Variants in KCNIP1 observed in about 807,000 individuals in gnomAD.
KCNIP1 encodes potassium voltage-gated channel interacting protein 1.
A neutral mutation model predicts 33.0 loss-of-function variants in KCNIP1; 18 were observed. That is an observed-to-expected ratio of 0.55 (90% CI 0.38 to 0.81). The LOEUF (loss-of-function observed/expected upper bound fraction) is 0.81, where lower values mean the gene tolerates loss of function less well. KCNIP1 is among the 30% of genes least tolerant of loss of function. KCNIP1 has a pLI of 0.00. For synonymous variants in KCNIP1, 93 were observed against 98.3 expected, an observed-to-expected ratio of 0.95 and a Z score of 0.32; for missense variants, 238 against 271.6, an observed-to-expected ratio of 0.88 and a Z score of 0.87.
chr5:170,501,432 C>CA (rs374853310), upstream of KCNIP1, among the ~76,000 whole-genome samples: 706 of 152,096 alleles, frequency 4.6e-3, 7 homozygotes, highest in Non-Finnish European at 7.0e-3. Flanking sequence ...CCACAGGCCA[C>CA]AAAAAAGACC....
At chr5:170,682,780 G>GCTTCTTTTTT (rs1762394879) in intron 1 of KCNIP1, among the ~76,000 whole-genome samples, 2 of 59,658 alleles carry the variant, frequency 3.4e-5, no homozygotes, top group East Asian at 1.6e-3. Context: ...TATTTTCTTT[G>GCTTCTTTTTT]TTTCTTTTTT....
intron 7 of KCNIP1, among the ~76,000 whole-genome samples, chr5:170,734,273 G>A (rs1370592003): frequency 6.6e-6 from 1 of 151,956 alleles, no homozygotes; most frequent in Non-Finnish European, 1.5e-5. Context: ...CTACAATTGT[G>A]TGATTCTCAA....
At chr5:170,433,955 A>C (rs1236711766) in intron 1 of KCNIP1, among the ~76,000 whole-genome samples, 1 of 152,136 alleles carries the variant, frequency 6.6e-6, no homozygotes, top group East Asian at 1.9e-4. Flanking sequence ...CCTCCTGCTC[A>C]CTTTAGCTCC....
chr5:170,669,279 T>G (rs950282613), intron 1 of KCNIP1, among the ~76,000 whole-genome samples: 3 of 152,220 alleles, frequency 2.0e-5, no homozygotes, highest in Admixed American at 1.3e-4. Flanking sequence ...GGGCAAGTTT[T>G]CAAATCTCTC....
At chr5:170,675,303 AAT>A (rs749714560) in intron 1 of KCNIP1, among the ~76,000 whole-genome samples, 11 of 151,148 alleles carry the variant, frequency 7.3e-5, no homozygotes, top group Admixed American at 6.6e-5. Flanking sequence ...TGTCTCAAAA[AAT>A]ATATATATAT....
At position 170,509,644 on chromosome 5, in the gene KCNIP1, G is replaced by A. The variant is rs1037026215; in HGVS notation, c.61+5011G>A. On this transcript the variant is annotated intron_variant, in intron 1 of 7. Transcript: ENST00000328939. ...CAACTGAATGACAGAAAGAATGATC[G>A]AATAAATGACCACATGAATGAATGA... is the stretch of plus-strand genomic sequence containing the variant. 9.2e-5 allele frequency among the ~76,000 whole-genome samples: 14 copies of A among 152,306 alleles called. No individual in the cohort carries two copies. The East Asian group carries it at 1.3e-3, about 15-fold the overall frequency.
intron 1 of KCNIP1, among the ~76,000 whole-genome samples, chr5:170,367,475 C>T (rs1361914377): frequency 6.7e-6 from 1 of 150,186 alleles, no homozygotes; most frequent in Non-Finnish European, 1.5e-5. Context: ...AAAGAATGTG[C>T]AGCACCCAGC....
intron 1 of KCNIP1, among the ~76,000 whole-genome samples, chr5:170,555,772 G>C (rs1045333988): frequency 6.6e-6 from 1 of 152,142 alleles, no homozygotes; most frequent in African/African-American, 2.4e-5. Flanking sequence ...AACTGAGATG[G>C]CATATTTTAA....
At chr5:170,592,519 A>G (rs2113556124) in intron 1 of KCNIP1, among the ~76,000 whole-genome samples, 1 of 137,744 alleles carries the variant, frequency 7.3e-6, no homozygotes, top group East Asian at 2.2e-4. Flanking sequence ...GCACCATAAC[A>G]TCATGTTGAT....
chr5:170,471,122 G>A (rs1309458496), intron 1 of KCNIP1, among the ~76,000 whole-genome samples: 1 of 152,188 alleles, frequency 6.6e-6, no homozygotes, highest in Non-Finnish European at 1.5e-5. Context: ...CTACGTGCCT[G>A]GAATTTCTAG....
chr5:170,416,923 T>C (rs11955325), intron 1 of KCNIP1, among the ~76,000 whole-genome samples: 7,331 of 152,276 alleles, frequency 0.048, 599 homozygotes, highest in African/African-American at 0.16. Flanking sequence ...AACTCTTAAA[T>C]AATATCCTCT....
intron 1 of KCNIP1, among the ~76,000 whole-genome samples, chr5:170,629,787 G>T (rs962799839): frequency 5.3e-4 from 81 of 152,288 alleles, no homozygotes; most frequent in African/African-American, 1.8e-3. Flanking sequence ...CCAAATGCAT[G>T]CCCAGACATA....
In KCNIP1 at chr5:170,424,042, C is replaced by T. The variant is rs575350091; in HGVS notation, c.88+70078C>T. 1.1e-3 allele frequency among the ~76,000 whole-genome samples: 160 copies of T among 152,348 alleles called. 1 individual carries two copies. The highest frequency in any genetic ancestry group is 1.6e-3 in the Non-Finnish European group (106 of 68,028). Reference sequence around the variant, plus strand: ...TGATGATTTTAAAATGTAACAGCTGCTTATGTAACCATTAGGCTGGACATA... The same window carrying T: ...TGATGATTTTAAAATGTAACAGCTGTTTATGTAACCATTAGGCTGGACATA... On this transcript the variant is annotated intron_variant, in intron 1 of 7. Transcript: ENST00000377360.
chr5:170,450,688 C>T, intron 1 of KCNIP1, among the ~76,000 whole-genome samples: 1 of 152,166 alleles, frequency 6.6e-6, no homozygotes, highest in East Asian at 1.9e-4. Flanking sequence ...CTCCGACCAC[C>T]TCCGCCCCGA....
chr5:170,481,254 C>T (rs777323702), intron 1 of KCNIP1, among the ~76,000 whole-genome samples: 6 of 152,148 alleles, frequency 3.9e-5, no homozygotes, highest in Non-Finnish European at 8.8e-5. Flanking sequence ...AAGAAACTTC[C>T]AGGCTTAAAC....
intron 1 of KCNIP1, among the ~76,000 whole-genome samples, chr5:170,536,687 C>T (rs1755997264): frequency 6.6e-6 from 1 of 152,132 alleles, no homozygotes; most frequent in African/African-American, 2.4e-5. Context: ...GCGGAGCTAC[C>T]CTGGGCTGCC....
At chr5:170,396,746 A>G (rs531182801) in intron 1 of KCNIP1, among the ~76,000 whole-genome samples, 50 of 152,360 alleles carry the variant, frequency 3.3e-4, no homozygotes, top group African/African-American at 1.1e-3. Context: ...ATTATTATAT[A>G]GATGAAGCCT....
intron 1 of KCNIP1, among the ~76,000 whole-genome samples, chr5:170,372,121 A>C (rs575917401): frequency 9.2e-5 from 14 of 151,796 alleles, no homozygotes; most frequent in Non-Finnish European, 2.1e-4. Flanking sequence ...CATTCCTACA[A>C]CCTCCCCTAC....
At chr5:170,681,039 C>G (rs1051000024) in intron 1 of KCNIP1, 2 of 399,338 alleles carry the variant, frequency 5.0e-6, no homozygotes, top group African/African-American at 4.1e-5. Flanking sequence ...GACCGCCTAG[C>G]GCTTGCCGGT....
Sources: allele counts gnomAD v4.1 joint callset (sites outside exome capture counted in the v4.1 genomes callset), GRCh38; gene constraint gnomAD v4.1.1; transcripts MANE v1.5; gene names NCBI Gene and HGNC (gene_info 2026-07-23, HGNC 2026-07-21).